Variants in ABLIM1 observed in about 807,000 individuals in gnomAD.
The protein encoded by ABLIM1 is actin-binding LIM protein 1.
ABLIM1 carries 40 observed loss-of-function variants against 107.0 expected under a neutral mutation model. That is an observed-to-expected ratio of 0.37 (90% CI 0.29 to 0.49). The LOEUF (loss-of-function observed/expected upper bound fraction) is 0.49, where lower values mean the gene tolerates loss of function less well. ABLIM1 is among the 20% of genes least tolerant of loss of function. ABLIM1 has a pLI of 0.97. For missense variants in ABLIM1, 857 were observed against 1,008.5 expected, an observed-to-expected ratio of 0.85 and a Z score of 2.04; for synonymous variants, 357 against 357.3, an observed-to-expected ratio of 1.00 and a Z score of 0.01.
intron 1 of ABLIM1, among the ~76,000 whole-genome samples, chr10:114,670,479 A>G (rs61869070): frequency 2.0e-3 from 311 of 152,276 alleles, no homozygotes; most frequent in Non-Finnish European, 3.5e-3. Flanking sequence ...ACTATTAATT[A>G]TTCAGCCAAT....
At chr10:114,459,045 C>G (rs529339760) in intron 12 of ABLIM1, among the ~76,000 whole-genome samples, 36 of 152,348 alleles carry the variant, frequency 2.4e-4, no homozygotes, top group African/African-American at 7.7e-4. Flanking sequence ...TGCCGTGCAT[C>G]TCAGCTTTAC....
At chr10:114,757,281 C>T (rs2082651179) in intron 1 of ABLIM1, among the ~76,000 whole-genome samples, 1 of 152,144 alleles carries the variant, frequency 6.6e-6, no homozygotes, top group African/African-American at 2.4e-5. Context: ...CGAACAAGAC[C>T]TGAATTTAAA....
At chr10:114,671,987 A>T (rs1591214) in intron 1 of ABLIM1, among the ~76,000 whole-genome samples, 105,882 of 151,892 alleles carry the variant, frequency 0.7, 36,879 homozygotes, top group East Asian at 0.76. Context: ...CTCAGCCTTC[A>T]GAGTAGCTGA....
chr10:114,719,823 C>G (rs2081796878), intron 1 of ABLIM1, among the ~76,000 whole-genome samples: 1 of 152,132 alleles, frequency 6.6e-6, no homozygotes, highest in African/African-American at 2.4e-5. Flanking sequence ...TCAAATATGC[C>G]TGCCTTTTCC....
At chr10:114,491,730 C>T (rs371034305) in intron 7 of ABLIM1, 61 bp downstream of exon 7, 233 of 1,470,386 alleles carry the variant, frequency 1.6e-4, no homozygotes, top group Admixed American at 2.6e-4. Context: ...ATCAAACAAA[C>T]ATAGCAAGAT....
intron 1 of ABLIM1, among the ~76,000 whole-genome samples, chr10:114,719,001 A>T (rs544973356): frequency 1.3e-5 from 2 of 152,314 alleles, no homozygotes; most frequent in South Asian, 4.1e-4. Context: ...TCTTTTATGC[A>T]GTTTGATTTT....
At chr10:114,575,697 C>G in intron 2 of ABLIM1, 98 bp from the exon 3 acceptor site, 1 of 858,540 alleles carries the variant, frequency 1.2e-6, no homozygotes, top group Non-Finnish European at 1.5e-6. Flanking sequence ...CCTGTGATCT[C>G]AATGGTTTGG....
chr10:114,462,401 G>A (rs2064134410), intron 12 of ABLIM1, among the ~76,000 whole-genome samples: 1 of 152,118 alleles, frequency 6.6e-6, no homozygotes, highest in East Asian at 1.9e-4. Flanking sequence ...AACTGAGGAC[G>A]GCTGCAGAAG....
intron 12 of ABLIM1, among the ~76,000 whole-genome samples, chr10:114,463,589 G>A (rs975910179): frequency 5.3e-5 from 8 of 150,772 alleles, no homozygotes; most frequent in African/African-American, 2.0e-4. Context: ...TTTTTCTTAA[G>A]CAAACATCCC....
intron 1 of ABLIM1, among the ~76,000 whole-genome samples, chr10:114,733,574 C>T (rs1354062765): frequency 6.6e-6 from 1 of 152,084 alleles, no homozygotes; most frequent in Non-Finnish European, 1.5e-5. Flanking sequence ...TGAGATAAAT[C>T]CTTCAAGATG....
chr10:114,507,916 C>T (rs1234687146), intron 6 of ABLIM1, among the ~76,000 whole-genome samples: 1 of 152,162 alleles, frequency 6.6e-6, no homozygotes, highest in African/African-American at 2.4e-5. Context: ...TCCAGGTACT[C>T]CAAGGCAAAG....
chr10:114,492,519 G>C (rs1470560567), intron 6 of ABLIM1, among the ~76,000 whole-genome samples: 2 of 152,194 alleles, frequency 1.3e-5, no homozygotes, highest in African/African-American at 4.8e-5. Context: ...AAATATGACA[G>C]ATGCCATCAC....
chr10:114,493,423 G>C (rs1483214238), intron 6 of ABLIM1, among the ~76,000 whole-genome samples: 1 of 152,324 alleles, frequency 6.6e-6, no homozygotes, highest in Non-Finnish European at 1.5e-5. Context: ...AGCTGATCAA[G>C]TGTATTTATC....
At chr10:114,458,738 T>TA (rs941294756) in intron 12 of ABLIM1, among the ~76,000 whole-genome samples, 4 of 152,208 alleles carry the variant, frequency 2.6e-5, no homozygotes, top group African/African-American at 9.7e-5. Flanking sequence ...TTAATATATG[T>TA]AACCCTCCTG....
At chr10:114,639,199 T>C (rs537554630) in intron 1 of ABLIM1, among the ~76,000 whole-genome samples, 1 of 152,332 alleles carries the variant, frequency 6.6e-6, no homozygotes, top group South Asian at 2.1e-4. Context: ...CAACCATTAC[T>C]GCATTTGCTA....
At chr10:114,797,049 T>G in the ABLIM1 span, among the ~76,000 whole-genome samples, 1 of 152,196 alleles carries the variant, frequency 6.6e-6, no homozygotes, top group Non-Finnish European at 1.5e-5. Context: ...ACTGTCCAAC[T>G]TCATAAACAA....
intron 2 of ABLIM1, among the ~76,000 whole-genome samples, chr10:114,597,472 G>A (rs2075536911): frequency 6.7e-6 from 1 of 150,370 alleles, no homozygotes; most frequent in Non-Finnish European, 1.5e-5. Context: ...ATGAAAGAAG[G>A]AAATGAAAGA....
intron 1 of ABLIM1, among the ~76,000 whole-genome samples, chr10:114,649,645 C>A (rs1308149508): frequency 2.0e-5 from 3 of 152,016 alleles, no homozygotes; most frequent in Non-Finnish European, 2.9e-5. Flanking sequence ...CCTCTACACG[C>A]CCTAACAAAC....
At chr10:114,494,939 T>C (rs1055599830) in intron 6 of ABLIM1, among the ~76,000 whole-genome samples, 1 of 152,206 alleles carries the variant, frequency 6.6e-6, no homozygotes, top group African/African-American at 2.4e-5. Context: ...CCTGGCACCA[T>C]GTTAAGTGCT....
Sources: gnomAD v4.1 joint callset for allele counts (sites outside exome capture counted in the v4.1 genomes callset) on GRCh38, gnomAD v4.1.1 for gene constraint, MANE v1.5 for transcripts, NCBI Gene and HGNC (gene_info 2026-07-23, HGNC 2026-07-21) for gene names.